CRHBP: variants seen among roughly 807,000 people sequenced by gnomAD.
The protein encoded by CRHBP is corticotropin-releasing hormone-binding protein.
CRHBP carries 19 observed loss-of-function variants against 34.9 expected under a neutral mutation model. The observed-to-expected ratio is 0.55, with a 90% CI of 0.38 to 0.80. The LOEUF is 0.80. Among genes scored for constraint, CRHBP ranks in the 30% least tolerant of loss-of-function variants. The probability of loss-of-function intolerance (pLI) is 0.00; values close to 1 mark genes in which losing one functional copy is unlikely to be tolerated. For missense variants in CRHBP, 328 were observed against 409.2 expected (o/e 0.80, Z 1.71); for synonymous variants, 154 against 153.4 (o/e 1.00, Z -0.03).
Position 76,969,009 on chromosome 5 carries a change from A to G in CRHBP, c.*124A>G. On this transcript the variant is annotated 3_prime_UTR_variant, in exon 7 of 7. Coordinates refer to ENST00000274368, the MANE Select transcript of CRHBP (RefSeq NM_001882.4). ...AGTCAGTATTCCCAGCCTTGAGCGC[A>G]CGCGCGCACACACACACACACATAC... is the stretch of plus-strand genomic sequence containing the variant. The G allele has an allele frequency of 9.8e-7, 1 of 1,022,982 alleles. No individual in the cohort carries two copies. Among genetic ancestry groups the G allele is most frequent in the Non-Finnish European group, 1.4e-6 (1 of 703,120 alleles). The allele number at this position is 1,022,982 out of a possible 1,614,324, so 63.4% of individuals were successfully genotyped here.
chr5:76,953,190 T>A lies in CRHBP; in HGVS notation c.56T>A (p.Leu19Gln). 6.2e-7 allele frequency: 1 copy of A among 1,614,192 alleles called. No individual in the cohort carries two copies. The highest frequency in any genetic ancestry group is 1.3e-5 in the African/African-American group (1 of 75,056). The part of the protein sequence containing the change: ...CHFILIFLTA[L>Q]RGESRYLELR... Reference sequence around the variant, plus strand: ...TTCATTCTCATCTTCCTGACGGCTCTAAGAGGGGAAAGCCGGTACCTAGAG... The same window carrying A: ...TTCATTCTCATCTTCCTGACGGCTCAAAGAGGGGAAAGCCGGTACCTAGAG... The change falls in exon 1 of 7, where the codon CTA (leucine) becomes CAA (glutamine). Residue 19 changes from leucine to glutamine, a missense_variant. Around this residue, in one of 3 missense-constraint regions of CRHBP, gnomAD observed 173 missense variants for 172.2 expected, o/e 1.00. Coordinates refer to ENST00000274368, the MANE Select transcript of CRHBP (RefSeq NM_001882.4).
chr5:76,974,800 C>T (rs1158614921), intron 2 of CRHBP, among the ~76,000 whole-genome samples: 1 of 151,918 alleles, frequency 6.6e-6, no homozygotes, highest in Non-Finnish European at 1.5e-5. Context: ...TTTGTTAAGA[C>T]AAACTACACA....
intron 6 of CRHBP, among the ~76,000 whole-genome samples, chr5:76,966,243 C>A: frequency 6.6e-6 from 1 of 152,188 alleles, no homozygotes; most frequent in East Asian, 1.9e-4. Context: ...GTCTCGAACT[C>A]CTGACCTCAG....
chr5:76,953,630 C>G lies in CRHBP; in HGVS notation c.111C>G (p.Phe37Leu), dbSNP rs371030096. 6.2e-7 allele frequency: 1 copy of G among 1,612,910 alleles called. No individual in the cohort carries two copies. The highest frequency in any genetic ancestry group is 8.5e-7 in the Non-Finnish European group (1 of 1,179,592). ...ELREAADYDP[F>L]LLFSANLKRE... ...GGGAAGCGGCGGACTACGATCCTTT[C>G]CTGCTCTTCAGCGCCAACCTGAAGC... The change falls in exon 2 of 7, where the codon TTC becomes TTG. Residue 37 changes from phenylalanine (F) to leucine (L), a missense_variant. Around this residue, in one of 3 missense-constraint regions of CRHBP, gnomAD observed 173 missense variants for 172.2 expected, o/e 1.00. Transcript: ENST00000274368.
In CRHBP at chr5:76,961,046, C is replaced by T. The variant is rs1745769100; in HGVS notation, c.693+2157C>T. On this transcript the variant is annotated intron_variant, in intron 5 of 6. Coordinates refer to ENST00000274368, the MANE Select transcript of CRHBP (RefSeq NM_001882.4). Reference sequence around the variant, plus strand: ...CCTCCCAAAGTGCTGGGATTACAAACATGAGCCACTGCTCCTGGCCAAGTA... The same window carrying T: ...CCTCCCAAAGTGCTGGGATTACAAATATGAGCCACTGCTCCTGGCCAAGTA... 2.0e-5 allele frequency among the ~76,000 whole-genome samples: 3 copies of T among 152,284 alleles called. No homozygotes were observed. In the South Asian group the frequency reaches 6.2e-4, roughly 32 times the overall value.
intron 6 of CRHBP, 37 bp from the exon 7 acceptor site, chr5:76,968,691 C>A: frequency 6.4e-7 from 1 of 1,574,326 alleles, no homozygotes; most frequent in Non-Finnish European, 8.6e-7. Context: ...TGGTTTCTAA[C>A]CTGCTGGGAA....
intron 4 of CRHBP, among the ~76,000 whole-genome samples, chr5:76,957,890 G>A (rs1745711080): frequency 6.6e-6 from 1 of 151,942 alleles, no homozygotes; most frequent in African/African-American, 2.4e-5. Flanking sequence ...CCTGGCATGG[G>A]GGCTCACTCC....
chr5:76,975,825 A>T (rs200307668), intron 2 of CRHBP, among the ~76,000 whole-genome samples: 4,727 of 59,506 alleles, frequency 0.079, 221 homozygotes, highest in East Asian at 0.097. Context: ...AAAAAAAAAA[A>T]ATATATATAT....
At chr5:76,964,256 T>C (rs1745825091) in intron 6 of CRHBP, among the ~76,000 whole-genome samples, 1 of 152,180 alleles carries the variant, frequency 6.6e-6, no homozygotes, top group African/African-American at 2.4e-5. Flanking sequence ...ACAGGAGTCC[T>C]AGATTAACAT....
intron 3 of CRHBP, 35 bp from the exon 4 acceptor site, chr5:76,955,618 A>T: frequency 6.3e-7 from 1 of 1,596,510 alleles, no homozygotes; most frequent in Non-Finnish European, 8.6e-7. Context: ...GAGTTGATGG[A>T]AATGATAGCA....
Position 76,977,367 on chromosome 5 carries a change from C to T in CRHBP, n.467+847C>T, listed in dbSNP as rs113177384. 1.0e-2 allele frequency among the ~76,000 whole-genome samples: 1,522 copies of T among 152,254 alleles called. 10 individuals are homozygous for T. Among genetic ancestry groups the T allele is most frequent in the Admixed American group, 0.012 (187 of 15,288 alleles). ...TAGAAGGTTTGTGGCAACTTTGGGT[C>T]GAGCAAGTCTATTGGTGCCATTTTT... On this transcript the variant is annotated intron_variant and non_coding_transcript_variant, in intron 3 of 3. Transcript: ENST00000514258.
At chr5:76,971,448 A>C (rs116718384), downstream of CRHBP, among the ~76,000 whole-genome samples, 265 of 152,220 alleles carry the variant, frequency 1.7e-3, 1 homozygote, top group African/African-American at 6.0e-3. Context: ...CCGTACTCTT[A>C]TTGGGACATT....
chr5:76,953,397 C>A, intron 1 of CRHBP, 182 bp downstream of exon 1: 1 of 817,728 alleles, frequency 1.2e-6, no homozygotes, highest in East Asian at 2.7e-5. Context: ...TCCCAGACTG[C>A]CTGCCTGCCT....
chr5:76,955,981 TG>T (rs141495888), intron 4 of CRHBP, 118 bp downstream of exon 4: 18 of 863,910 alleles, frequency 2.1e-5, no homozygotes, highest in Non-Finnish European at 3.0e-5. Context: ...GAAATTTTTT[TG>T]TAATTAGAAA....
At chr5:76,978,464 C>G (rs952183404) in intron 3 of CRHBP, among the ~76,000 whole-genome samples, 9 of 152,154 alleles carry the variant, frequency 5.9e-5, no homozygotes, top group African/African-American at 1.9e-4. Flanking sequence ...AACAACAAAG[C>G]CTGGATGATA....
At chr5:76,956,738 A>G (rs1303347729) in intron 4 of CRHBP, among the ~76,000 whole-genome samples, 1 of 152,156 alleles carries the variant, frequency 6.6e-6, no homozygotes, top group African/African-American at 2.4e-5. Context: ...AAAAAAAAAA[A>G]ATGAATTTAC....
At chr5:76,974,777 GT>G (rs1370089670) in intron 2 of CRHBP, among the ~76,000 whole-genome samples, 2 of 152,106 alleles carry the variant, frequency 1.3e-5, no homozygotes, top group Non-Finnish European at 2.9e-5. Flanking sequence ...GCATTTTAAA[GT>G]TTTTTTCTTC....
chr5:76,963,520 T>C, intron 6 of CRHBP, 60 bp downstream of exon 6: 1 of 1,428,170 alleles, frequency 7.0e-7, no homozygotes, highest in Non-Finnish European at 9.7e-7. Flanking sequence ...AAATAAGCAC[T>C]CCCCTAATAT....
chr5:76,960,588 G>A (rs757291378), intron 5 of CRHBP, among the ~76,000 whole-genome samples: 25 of 152,078 alleles, frequency 1.6e-4, no homozygotes, highest in South Asian at 6.2e-4. Context: ...TGTTTCTTTA[G>A]TTATTATTAA....
Sources: allele counts gnomAD v4.1 joint callset (sites outside exome capture counted in the v4.1 genomes callset), GRCh38; gene constraint gnomAD v4.1.1; regional missense constraint gnomAD v4.1.1; transcripts MANE v1.5; gene names NCBI Gene and HGNC (gene_info 2026-07-23, HGNC 2026-07-21).